The following EEA1 variants were observed in gnomAD, a reference collection of about 807,000 sequenced individuals.
EEA1 encodes the protein early endosome antigen 1.
In EEA1, 111 loss-of-function variants were observed where a neutral mutation model predicts 209.2. The observed-to-expected ratio is 0.53, with a 90% CI of 0.45 to 0.62. The LOEUF (loss-of-function observed/expected upper bound fraction) is 0.62, where lower values mean the gene tolerates loss of function less well. EEA1 is among the 20% of genes least tolerant of loss of function. The pLI, the probability that EEA1 is intolerant of heterozygous loss-of-function variation, is 0.00. For synonymous variants in EEA1, 536 were observed against 540.6 expected, an observed-to-expected ratio of 0.99 and a Z score of 0.12; for missense variants, 1,343 against 1,530.8, an observed-to-expected ratio of 0.88 and a Z score of 2.05.
intron 20 of EEA1, 88 bp from the exon 21 acceptor site, chr12:92,799,174 C>T (rs1198803821): frequency 3.0e-5 from 35 of 1,181,626 alleles, no homozygotes; most frequent in Middle Eastern, 2.8e-4. Flanking sequence ...TCTATTTAGC[C>T]TTCATTTGTT....
intron 9 of EEA1, among the ~76,000 whole-genome samples, chr12:92,846,129 G>T (rs944870911): frequency 1.3e-4 from 20 of 152,162 alleles, no homozygotes; most frequent in African/African-American, 4.6e-4. Context: ...AGCTATGCAT[G>T]ATTAGCAAAA....
intron 27 of EEA1, 86 bp downstream of exon 27, chr12:92,777,454 CATG>C: frequency 1.5e-5 from 20 of 1,368,386 alleles, no homozygotes; most frequent in Non-Finnish European, 2.0e-5. Context: ...ATTTATAAAA[CATG>C]AGATTTTTTA....
At chr12:92,884,864 C>CTCGA (rs1396659604) in intron 2 of EEA1, among the ~76,000 whole-genome samples, 6 of 151,980 alleles carry the variant, frequency 3.9e-5, no homozygotes, top group Non-Finnish European at 7.4e-5. Flanking sequence ...GGGCAAAAAA[C>CTCGA]TCGAGGACTG....
intron 21 of EEA1, among the ~76,000 whole-genome samples, chr12:92,791,518 G>C (rs558237711): frequency 2.0e-5 from 3 of 152,246 alleles, no homozygotes; most frequent in Non-Finnish European, 4.4e-5. Flanking sequence ...AAGATGAAAA[G>C]AGACAAAGAG....
chr12:92,834,117 T>C (rs1371763412), intron 10 of EEA1, among the ~76,000 whole-genome samples: 2 of 152,102 alleles, frequency 1.3e-5, no homozygotes, highest in African/African-American at 4.8e-5. Context: ...TAGATCTTTA[T>C]TGCTGCGTTC....
intron 6 of EEA1, 60 bp downstream of exon 6, chr12:92,853,855 A>T: frequency 6.7e-7 from 1 of 1,482,358 alleles, no homozygotes; most frequent in Non-Finnish European, 9.2e-7. Context: ...AAGAAAAAGA[A>T]AGGAAAACAA....
intron 14 of EEA1, among the ~76,000 whole-genome samples, chr12:92,817,985 A>G (rs1366948304): frequency 6.6e-6 from 1 of 152,138 alleles, no homozygotes; most frequent in Non-Finnish European, 1.5e-5. Context: ...CCAGCCCTGT[A>G]TAAGCACTAG....
intron 9 of EEA1, among the ~76,000 whole-genome samples, chr12:92,844,912 A>G (rs1592732884): frequency 6.6e-6 from 1 of 152,196 alleles, no homozygotes; most frequent in East Asian, 1.9e-4. Flanking sequence ...TGTAAGGTCT[A>G]TCTTGCTGAT....
At chr12:92,855,485 T>C (rs1326014766) in intron 5 of EEA1, among the ~76,000 whole-genome samples, 1 of 142,014 alleles carries the variant, frequency 7.0e-6, no homozygotes, top group Non-Finnish European at 1.6e-5. Flanking sequence ...AAAAATTGGC[T>C]TTATAAGCAT....
Position 92,891,704 on chromosome 12 carries a change from G to C in EEA1, c.42C>G (p.Gly14=). The C allele has an allele frequency of 6.2e-7, 1 of 1,610,006 alleles. No homozygotes were observed. The highest frequency in any genetic ancestry group is 8.5e-7 in the Non-Finnish European group (1 of 1,178,956). ...ATGAATCTAAATCAGAACCTTGAGA[G>C]CCAACTCTCCCAGGAGTCTGGAACA... ...RILQRTPGRV[G]SQGSDLDSSA... The change falls in exon 2 of 29, where the codon GGC becomes GGG. Residue 14 remains glycine (G), a synonymous_variant. Coordinates refer to ENST00000322349, the MANE Select transcript of EEA1 (RefSeq NM_003566.4).
chr12:92,917,662 G>A (rs1379184992), intron 1 of EEA1, among the ~76,000 whole-genome samples: 1 of 150,616 alleles, frequency 6.6e-6, no homozygotes, highest in Non-Finnish European at 1.5e-5. Flanking sequence ...AAAGACCATC[G>A]AGACTAGGAA....
rs1050773721 is a variant in EEA1 at position 92,773,539 on chromosome 12, G to T, written c.*2472C>A. ...AAAAAGTCTGTAGGTATAGTTTATT[G>T]TACACTAACCCAGCAAGACTTAATT... On this transcript the variant is annotated 3_prime_UTR_variant, in exon 29 of 29. Transcript: ENST00000322349. The T allele has an allele frequency of 1.3e-5, 2 of 151,744 alleles. No homozygotes were observed. The highest frequency in any genetic ancestry group is 2.4e-5 in the African/African-American group (1 of 41,294). The allele number at this position is 151,744 out of a possible 1,614,324, so 9.4% of individuals were successfully genotyped here.
chr12:92,835,302 G>A, intron 10 of EEA1: 1 of 226,176 alleles, frequency 4.4e-6, no homozygotes, highest in South Asian at 4.6e-5. Flanking sequence ...CAAAAATTAA[G>A]GCATATAATG....
At chr12:92,828,702 C>T (rs965465016) in intron 11 of EEA1, among the ~76,000 whole-genome samples, 5 of 151,776 alleles carry the variant, frequency 3.3e-5, no homozygotes, top group Admixed American at 6.6e-5. Flanking sequence ...AGAACCATCA[C>T]GAGTAGTCCA....
At chr12:92,803,570 A>G (rs1446809472) in intron 18 of EEA1, among the ~76,000 whole-genome samples, 1 of 152,124 alleles carries the variant, frequency 6.6e-6, no homozygotes, top group Non-Finnish European at 1.5e-5. Flanking sequence ...ACCAATAAAA[A>G]TAAGTCAATA....
At chr12:92,874,846 C>T (rs1878809319) in intron 2 of EEA1, among the ~76,000 whole-genome samples, 1 of 152,120 alleles carries the variant, frequency 6.6e-6, no homozygotes, top group Admixed American at 6.5e-5. Context: ...AAAAGACAGC[C>T]TTTTGAATGC....
chr12:92,788,959 T>G (rs1043347909), intron 21 of EEA1, among the ~76,000 whole-genome samples: 5 of 152,152 alleles, frequency 3.3e-5, no homozygotes, highest in Non-Finnish European at 5.9e-5. Flanking sequence ...AGAGTTCTAT[T>G]GCTGGCCCTC....
At chr12:92,914,111 T>C (rs1274002466) in intron 1 of EEA1, among the ~76,000 whole-genome samples, 1 of 152,064 alleles carries the variant, frequency 6.6e-6, no homozygotes, top group African/African-American at 2.4e-5. Flanking sequence ...AAGTATCCTT[T>C]CCCCGCTGCA....
chr12:92,912,788 A>G (rs948399209), intron 1 of EEA1, among the ~76,000 whole-genome samples: 1 of 152,170 alleles, frequency 6.6e-6, no homozygotes, highest in Admixed American at 6.6e-5. Context: ...AAGTGAGAAC[A>G]TGCAGTATTT....
Sources: allele counts gnomAD v4.1 joint callset (sites outside exome capture counted in the v4.1 genomes callset), GRCh38; gene constraint gnomAD v4.1.1; transcripts MANE v1.5; gene names NCBI Gene and HGNC (gene_info 2026-07-23, HGNC 2026-07-21).